OVOL2: variants seen among roughly 807,000 people sequenced by gnomAD.
OVOL2 encodes the protein ovo like zinc finger 2.
OVOL2 carries 13 observed loss-of-function variants against 18.1 expected under a neutral mutation model. That is an observed-to-expected ratio of 0.72 (90% CI 0.47 to 1.14). The LOEUF (loss-of-function observed/expected upper bound fraction) is 1.14. Ranked by LOEUF, OVOL2 falls within the 50% of genes most tolerant of loss-of-function variation. The probability of loss-of-function intolerance (pLI) is 0.00; values close to 1 mark genes in which losing one functional copy is unlikely to be tolerated. For missense variants in OVOL2, 335 were observed against 383.0 expected, an observed-to-expected ratio of 0.87 and a Z score of 1.05; for synonymous variants, 166 against 162.7, an observed-to-expected ratio of 1.02 and a Z score of -0.16.
At chr20:18,045,016 C>A (rs2036712596) in intron 2 of OVOL2, among the ~76,000 whole-genome samples, 1 of 152,074 alleles carries the variant, frequency 6.6e-6, no homozygotes, top group Admixed American at 6.6e-5. Context: ...CACTGGAAGA[C>A]AAAGGGGGAA....
At chr20:18,044,042 G>A (rs536585076) in intron 2 of OVOL2, among the ~76,000 whole-genome samples, 1 of 152,210 alleles carries the variant, frequency 6.6e-6, no homozygotes, top group South Asian at 2.1e-4. Flanking sequence ...TTGCTCCCTT[G>A]CCGATGCAGC....
At chr20:18,034,581 C>T (rs1306422583) in intron 3 of OVOL2, among the ~76,000 whole-genome samples, 1 of 151,772 alleles carries the variant, frequency 6.6e-6, no homozygotes, top group African/African-American at 2.4e-5. Context: ...TTCTCTCTTC[C>T]AGTCTTCAGT....
chr20:18,049,857 G>C (rs2036756893), intron 2 of OVOL2, among the ~76,000 whole-genome samples: 1 of 152,118 alleles, frequency 6.6e-6, no homozygotes. Context: ...ATATCATCAT[G>C]AGTCCTTAAT....
At chr20:18,033,847 A>G (rs1278688323) in intron 3 of OVOL2, among the ~76,000 whole-genome samples, 1 of 152,176 alleles carries the variant, frequency 6.6e-6, no homozygotes, top group South Asian at 2.1e-4. Context: ...TTCAACAGAG[A>G]ACCATTCTTA....
chr20:18,055,740 C>T (rs1007297552), intron 2 of OVOL2, among the ~76,000 whole-genome samples: 11 of 152,210 alleles, frequency 7.2e-5, no homozygotes, highest in African/African-American at 2.4e-4. Context: ...CACCGGAGAG[C>T]CCTGGAATTA....
At chr20:18,052,599 G>A (rs1019287497) in intron 2 of OVOL2, among the ~76,000 whole-genome samples, 1 of 152,174 alleles carries the variant, frequency 6.6e-6, no homozygotes, top group African/African-American at 2.4e-5. Context: ...ATAATACAAA[G>A]TGATGGGGGT....
At chr20:18,049,558 C>A (rs1040846336) in intron 2 of OVOL2, among the ~76,000 whole-genome samples, 7 of 148,532 alleles carry the variant, frequency 4.7e-5, no homozygotes, top group Non-Finnish European at 1.0e-4. Flanking sequence ...GATTCCCCCC[C>A]CGATCCTATG....
At chr20:18,043,029 G>T (rs1277805268) in intron 2 of OVOL2, among the ~76,000 whole-genome samples, 2 of 152,122 alleles carry the variant, frequency 1.3e-5, no homozygotes, top group African/African-American at 4.8e-5. Context: ...GCATGGCCAT[G>T]GACTACCTGG....
chr20:18,036,862 C>A (rs1325887198), intron 3 of OVOL2, among the ~76,000 whole-genome samples: 2 of 152,094 alleles, frequency 1.3e-5, no homozygotes, highest in Non-Finnish European at 1.5e-5. Context: ...ACAGGCCGGG[C>A]GCGGTGGCTC....
chr20:18,031,492 G>A (rs575496632), intron 3 of OVOL2, among the ~76,000 whole-genome samples: 3 of 152,246 alleles, frequency 2.0e-5, no homozygotes, highest in South Asian at 2.1e-4. Context: ...CAGGAGAATC[G>A]CTGGAATCTG....
chr20:18,034,661 A>C (rs1255982082), intron 3 of OVOL2, among the ~76,000 whole-genome samples: 1 of 140,730 alleles, frequency 7.1e-6, no homozygotes. Flanking sequence ...TCACACACAC[A>C]CACACACACA....
At chr20:18,054,371 G>A (rs901171840) in intron 2 of OVOL2, among the ~76,000 whole-genome samples, 4 of 152,304 alleles carry the variant, frequency 2.6e-5, no homozygotes, top group East Asian at 1.9e-4. Context: ...GGTGTTAGAC[G>A]GGCAGAGTGT....
At chr20:18,041,159 T>A (rs1271558233) in intron 3 of OVOL2, among the ~76,000 whole-genome samples, 1 of 146,994 alleles carries the variant, frequency 6.8e-6, no homozygotes, top group East Asian at 2.0e-4. Context: ...CATCTTGTGA[T>A]CTTTCTTTTT....
rs905333229 is a variant in OVOL2 at position 18,056,914 on chromosome 20, C to A, written c.101-37G>T. The A allele has an allele frequency of 1.4e-6, 2 of 1,455,550 alleles. No homozygotes were observed. Among genetic ancestry groups the A allele is most frequent in the Non-Finnish European group, 1.8e-6 (2 of 1,112,324 alleles). 90.2% of individuals were successfully genotyped at this position (1,455,550 alleles called of 1,614,324 possible). ...GGGGCCGCGCCCCGACACACACACT[C>A]GGCGTCAACCCGCACGCCCGCGGCA... is the stretch of plus-strand genomic sequence containing the variant. On this transcript the variant is annotated intron_variant, in intron 1 of 3. Transcript: ENST00000278780. This position sits in a 1 kb window ranked among gnomAD's most constrained non-coding sequence, Gnocchi z 4.2.
chr20:18,041,854 G>T, intron 2 of OVOL2, 131 bp from the exon 3 acceptor site: 1 of 755,196 alleles, frequency 1.3e-6, no homozygotes, highest in Non-Finnish European at 2.0e-6. Flanking sequence ...TTTTCAAGCA[G>T]GTTTTGGCTT....
In OVOL2 at chr20:18,056,827, C is replaced by A; in HGVS notation, c.151G>T (p.Gly51Cys). The change falls in exon 2 of 4, where the codon GGC becomes TGC. Residue 51 changes from glycine to cysteine, a missense_variant. Coordinates refer to ENST00000278780, the MANE Select transcript of OVOL2 (RefSeq NM_021220.4). This position sits in a 1 kb window ranked among gnomAD's most constrained non-coding sequence, Gnocchi z 4.2. ...CTGCCGCTGCCGCTGCTGCTGCCGC[C>A]GTCGCTGCGGCAGTCCTCGGGGGGG... is the stretch of plus-strand genomic sequence containing the variant. ...HDPPEDCRSDGGSSSGSGSSS... is the reference protein window; with the variant it reads ...HDPPEDCRSDCGSSSGSGSSS... The A allele has an allele frequency of 6.7e-7, 1 of 1,490,592 alleles. No homozygotes were observed. The highest frequency in any genetic ancestry group is 8.9e-7 in the Non-Finnish European group (1 of 1,127,760). The allele number at this position is 1,490,592 out of a possible 1,614,324, so 92.3% of individuals were successfully genotyped here.
At chr20:18,055,727 G>A (rs1440833176) in intron 2 of OVOL2, among the ~76,000 whole-genome samples, 5 of 152,220 alleles carry the variant, frequency 3.3e-5, no homozygotes, top group African/African-American at 9.6e-5. Flanking sequence ...GGTGGCAGGA[G>A]GGCACCGGAG....
intron 3 of OVOL2, 130 bp downstream of exon 3, chr20:18,041,404 C>T: frequency 1.8e-6 from 2 of 1,138,428 alleles, no homozygotes; most frequent in Non-Finnish European, 2.4e-6. Context: ...ACCTCGTGAT[C>T]CGCATCTTGT....
rs564776972 is a variant in OVOL2 at position 18,053,275 on chromosome 20, A to G, written c.321+3382T>C. 2.0e-5 allele frequency among the ~76,000 whole-genome samples: 3 copies of G among 152,352 alleles called. No homozygotes were observed. The East Asian group carries it at 5.8e-4, about 29-fold the overall frequency. ...GCAGTTTACACATGCACAGAAAGCT[A>G]AACACTTTACACCCACTATCTCATT... On this transcript the variant is annotated intron_variant, in intron 2 of 3. Transcript: ENST00000278780.
Sources: gnomAD v4.1 joint callset for allele counts (sites outside exome capture counted in the v4.1 genomes callset) on GRCh38, gnomAD v4.1.1 for gene constraint, Gnocchi (gnomAD v3.1) non-coding constraint, MANE v1.5 for transcripts, NCBI Gene and HGNC (gene_info 2026-07-23, HGNC 2026-07-21) for gene names.